The following BBX variants were observed in gnomAD, a reference collection of about 807,000 sequenced individuals.
BBX encodes BBX high mobility group box domain containing, also known as HMG box transcription factor BBX.
Under a neutral mutation model 100.2 loss-of-function variants are expected in BBX, and 30 were observed. That is an observed-to-expected ratio of 0.30 (90% confidence interval 0.22 to 0.41). The LOEUF (loss-of-function observed/expected upper bound fraction) is 0.41. Ranked by LOEUF, BBX falls within the 10% of genes least tolerant of loss-of-function variation. The pLI, the probability that BBX is intolerant of heterozygous loss-of-function variation, is 1.00. For missense variants in BBX, 1,023 were observed against 1,129.8 expected (o/e 0.91, Z 1.35); for synonymous variants, 376 against 388.1 (o/e 0.97, Z 0.37).
chr3:107,626,007 T>A (rs2056144817), intron 2 of BBX, among the ~76,000 whole-genome samples: 1 of 152,218 alleles, frequency 6.6e-6, no homozygotes, highest in South Asian at 2.1e-4. Context: ...AAGGGGATTT[T>A]CACTTACTTA....
At chr3:107,558,058 TG>T (rs1241976925) in intron 2 of BBX, among the ~76,000 whole-genome samples, 29 of 152,310 alleles carry the variant, frequency 1.9e-4, no homozygotes, top group African/African-American at 6.5e-4. Context: ...GTGCTTCTAA[TG>T]GTGCTAAAAT....
At chr3:107,754,722 C>A (rs367912668) in intron 9 of BBX, among the ~76,000 whole-genome samples, 1 of 152,130 alleles carries the variant, frequency 6.6e-6, no homozygotes, top group Admixed American at 6.5e-5. Context: ...CTGTTTTTAA[C>A]TGAGAAAGAA....
chr3:107,704,637 T>C (rs2061284189), intron 3 of BBX, among the ~76,000 whole-genome samples: 1 of 152,200 alleles, frequency 6.6e-6, no homozygotes. Context: ...AAACCCACTC[T>C]GGTGATGACT....
chr3:107,538,148 AATAC>A (rs2048625399), intron 2 of BBX, among the ~76,000 whole-genome samples: 1 of 152,244 alleles, frequency 6.6e-6, no homozygotes, highest in Non-Finnish European at 1.5e-5. Context: ...CATTGGGTGC[AATAC>A]ATACTTAGAC....
chr3:107,525,445 C>T (rs1229752685), intron 1 of BBX: 1 of 152,374 alleles, frequency 6.6e-6, no homozygotes, highest in African/African-American at 2.4e-5. Context: ...CTCGTTGCTC[C>T]TCCGTTATGG....
intron 1 of BBX, among the ~76,000 whole-genome samples, chr3:107,525,167 C>T (rs993007597): frequency 6.7e-6 from 1 of 149,130 alleles, no homozygotes; most frequent in Non-Finnish European, 1.5e-5. Context: ...CGCCGACGTC[C>T]CCGCGCGGCC....
chr3:107,547,402 C>T (rs1052106760), intron 2 of BBX, among the ~76,000 whole-genome samples: 1 of 152,064 alleles, frequency 6.6e-6, no homozygotes, highest in African/African-American at 2.4e-5. Context: ...CTTCACAGTA[C>T]CTAGTTCAAT....
intron 3 of BBX, among the ~76,000 whole-genome samples, chr3:107,674,568 CTT>C (rs2059186739): frequency 6.6e-6 from 1 of 152,160 alleles, no homozygotes; most frequent in African/African-American, 2.4e-5. Context: ...CGTAGAATTG[CTT>C]TGACTCACTT....
intron 3 of BBX, among the ~76,000 whole-genome samples, chr3:107,673,309 A>G (rs936807658): frequency 2.0e-5 from 3 of 152,086 alleles, no homozygotes; most frequent in Non-Finnish European, 2.9e-5. Flanking sequence ...ACAATTAGAT[A>G]TGTTTGATTA....
chr3:107,625,922 GGGGTACATAGTGAT>G (rs2056136578), intron 2 of BBX, among the ~76,000 whole-genome samples: 1 of 151,908 alleles, frequency 6.6e-6, no homozygotes, highest in Non-Finnish European at 1.5e-5. Context: ...ATTTTTTCAT[GGGGTACATAGTGAT>G]GTTTTCATAC....
chr3:107,528,773 T>C (rs1467927956), intron 2 of BBX, among the ~76,000 whole-genome samples: 1 of 152,226 alleles, frequency 6.6e-6, no homozygotes, highest in African/African-American at 2.4e-5. Flanking sequence ...TCTGAAGATG[T>C]TGTGCAACTC....
intron 15 of BBX, among the ~76,000 whole-genome samples, chr3:107,792,456 A>G (rs558759606): frequency 6.6e-6 from 1 of 152,244 alleles, no homozygotes; most frequent in Non-Finnish European, 1.5e-5. Context: ...AGAAATATTC[A>G]TGTTTTTAAG....
At chr3:107,672,777 G>A (rs1203166887) in intron 3 of BBX, among the ~76,000 whole-genome samples, 1 of 151,990 alleles carries the variant, frequency 6.6e-6, no homozygotes, top group African/African-American at 2.4e-5. Flanking sequence ...CTTTGAATGT[G>A]GAATGACTGT....
chr3:107,687,289 C>G (rs1031311990), intron 3 of BBX, among the ~76,000 whole-genome samples: 3 of 151,336 alleles, frequency 2.0e-5, no homozygotes, highest in Non-Finnish European at 4.4e-5. Context: ...ATATACAAAA[C>G]AGCTGTTACA....
intron 2 of BBX, among the ~76,000 whole-genome samples, chr3:107,590,305 T>C (rs566054006): frequency 7.4e-4 from 113 of 152,338 alleles, no homozygotes; most frequent in African/African-American, 2.5e-3. Flanking sequence ...ATTTGTGATA[T>C]TTTGATACAT....
chr3:107,782,443 C>T (rs2067990284), intron 13 of BBX, among the ~76,000 whole-genome samples: 1 of 151,880 alleles, frequency 6.6e-6, no homozygotes, highest in Non-Finnish European at 1.5e-5. Context: ...ACTATAGAAC[C>T]TGGGCAAAAG....
chr3:107,590,505 T>C (rs1413367338), intron 2 of BBX, among the ~76,000 whole-genome samples: 4 of 152,212 alleles, frequency 2.6e-5, no homozygotes, highest in African/African-American at 9.6e-5. Flanking sequence ...TTTGTACCCG[T>C]TAATCAACCT....
intron 10 of BBX, among the ~76,000 whole-genome samples, chr3:107,768,299 G>A (rs191107281): frequency 1.6e-4 from 25 of 152,264 alleles, no homozygotes; most frequent in Admixed American, 1.0e-3. Flanking sequence ...GAATGCTGTT[G>A]GCATGCTGTA....
At chr3:107,704,588 A>T (rs1339254845) in intron 3 of BBX, among the ~76,000 whole-genome samples, 2 of 152,174 alleles carry the variant, frequency 1.3e-5, no homozygotes. Context: ...AGAGCAAGAG[A>T]GGATGAGAGT....
Sources: allele counts gnomAD v4.1 joint callset (sites outside exome capture counted in the v4.1 genomes callset), GRCh38; gene constraint gnomAD v4.1.1; transcripts MANE v1.5; gene names NCBI Gene and HGNC (gene_info 2026-07-23, HGNC 2026-07-21).